RIF1: variants seen among roughly 807,000 people sequenced by gnomAD.
RIF1 encodes the protein replication timing regulatory factor 1, also known as telomere-associated protein RIF1.
In RIF1, 45 loss-of-function variants were observed where a neutral mutation model predicts 247.1. The observed-to-expected ratio is 0.18, with a 90% confidence interval of 0.14 to 0.23. The LOEUF is 0.23. Among genes scored for constraint, RIF1 ranks in the 10% least tolerant of loss-of-function variants. RIF1 has a pLI of 1.00. For missense variants in RIF1, 2,967 were observed against 2,862.5 expected (o/e 1.04, Z -0.83); for synonymous variants, 1,087 against 978.8 (o/e 1.11, Z -2.06).
chr2:151,492,478 C>T (rs2057351309), intron 9 of RIF1: 2 of 1,612,978 alleles, frequency 1.2e-6, no homozygotes, highest in Non-Finnish European at 8.5e-7. Context: ...TTTCCGGAAA[C>T]TATCAGAATA....
At chr2:151,494,025 G>A (rs1400552882) in intron 9 of RIF1, 4 of 898,096 alleles carry the variant, frequency 4.5e-6, no homozygotes, top group African/African-American at 1.7e-5. Flanking sequence ...TACAGTAAAT[G>A]TAGTGTGATA....
chr2:151,532,569 A>G, the RIF1 span, among the ~76,000 whole-genome samples: 8 of 152,164 alleles, frequency 5.3e-5, no homozygotes. Flanking sequence ...AATTTCATGC[A>G]CAACTATTTG....
chr2:151,455,005 T>A lies in RIF1; in HGVS notation c.2455T>A (p.Phe819Ile). The A allele has an allele frequency of 6.2e-7, 1 of 1,613,954 alleles. No individual in the cohort carries two copies. Among genetic ancestry groups the A allele is most frequent in the African/African-American group, 1.3e-5 (1 of 75,040 alleles). ...GATCTATTCTTTCCACACACTGAGC[T>A]TCAAGGAAGCACATTCTGATACCCT... The part of the protein sequence containing the change: ...KVIYSFHTLS[F>I]KEAHSDTLFT... Residue 819 changes from phenylalanine (F) to isoleucine (I), a missense_variant, in exon 22 of 36, where the codon TTC becomes ATC. Physicochemically the swap from Phe to Ile is conservative, Grantham distance 21. Coordinates refer to ENST00000444746, the MANE Select transcript of RIF1 (RefSeq NM_018151.5).
chr2:151,533,390 T>G, the RIF1 span: 1 of 1,175,030 alleles, frequency 8.5e-7, no homozygotes. Flanking sequence ...TACAAGGGAA[T>G]GCATCCAAGA....
chr2:151,463,943 CAGG>C lies in RIF1; in HGVS notation c.4426_4428del (p.Glu1476del), dbSNP rs1696556969. 6.2e-7 allele frequency: 1 copy of C among 1,612,012 alleles called. No individual in the cohort carries two copies. Among genetic ancestry groups the C allele is most frequent in the African/African-American group, 1.3e-5 (1 of 74,682 alleles). ...AAAACTGATTGCTGAACAAACTCTA[CAGG>C]AGAATTTAATTGAGAAAGGAAGTAA... is the stretch of plus-strand genomic sequence containing the variant. On this transcript the variant is annotated inframe_deletion, in exon 30 of 36. Coordinates refer to ENST00000444746, the MANE Select transcript of RIF1 (RefSeq NM_018151.5).
chr2:151,492,609 G>C, intron 9 of RIF1: 3 of 663,168 alleles, frequency 4.5e-6, no homozygotes, highest in Non-Finnish European at 7.2e-6. Flanking sequence ...TCAACTGAAG[G>C]GGCCCAGTGA....
chr2:151,428,539 TTATA>T (rs1689515508), intron 8 of RIF1, among the ~76,000 whole-genome samples: 1 of 152,174 alleles, frequency 6.6e-6, no homozygotes, highest in African/African-American at 2.4e-5. Context: ...TCTTCAAACT[TTATA>T]TATTTTGTGA....
In RIF1 at chr2:151,447,015, C is replaced by T. The variant is rs183321322; in HGVS notation, c.2244+440C>T. ...CTGGAGTGCAGTGGCGCGATCTCGG[C>T]TCACTGCAAGCTCCGCCTCCCGGGT... On this transcript the variant is annotated intron_variant, in intron 20 of 35. Transcript: ENST00000444746. Among the ~76,000 whole-genome samples, 344 of 148,988 alleles carry T rather than the reference C, an allele frequency of 2.3e-3. 9 individuals carry two copies. In the East Asian group the frequency reaches 0.046, roughly 20 times the overall value.
At chr2:151,426,740 G>A (rs956979929) in intron 8 of RIF1, among the ~76,000 whole-genome samples, 4 of 151,198 alleles carry the variant, frequency 2.6e-5, no homozygotes, top group Admixed American at 2.0e-4. Context: ...TCAGCCTCCC[G>A]GGTTCAAGTG....
In RIF1 at chr2:151,463,022, A is replaced by G. The variant is rs763201641; in HGVS notation, c.3502A>G (p.Ser1168Gly). Residue 1168 changes from serine (S) to glycine (G), a missense_variant, in exon 30 of 36, where the codon AGT becomes GGT. Ser to Gly is a moderately conservative substitution (Grantham distance 56). Transcript: ENST00000444746. ...LDKTSPEMSN[S>G]NNDERKKALI... ...CAAAACCAGTCCAGAAATGTCAAACAGTAATAATGATGAAAGAAAAAAAGC... is the reference window on the plus strand; with the variant it reads ...CAAAACCAGTCCAGAAATGTCAAACGGTAATAATGATGAAAGAAAAAAAGC... The G allele has an allele frequency of 3.1e-6, 5 of 1,613,872 alleles. No homozygotes were observed. In the African/African-American group the frequency reaches 4.0e-5, roughly 13 times the overall value.
At chr2:151,487,428 A>C (rs891534930) in intron 9 of RIF1, among the ~76,000 whole-genome samples, 1 of 152,248 alleles carries the variant, frequency 6.6e-6, no homozygotes, top group African/African-American at 2.4e-5. Flanking sequence ...TCAAATTCAC[A>C]AATAGATTTC....
Position 151,433,251 on chromosome 2 carries a change from T to C in RIF1, c.1077+23T>C, listed in dbSNP as rs747972150. ...CAGGTAACATTACAAGTGTTGACTA[T>C]AGCACTTTATGTTTTTGTTAATGTG... On this transcript the variant is annotated intron_variant, in intron 10 of 35. Transcript: ENST00000444746. The C allele has an allele frequency of 2.5e-6, 4 of 1,574,058 alleles. No homozygotes were observed. The South Asian group carries it at 3.4e-5, about 13-fold the overall frequency.
downstream of RIF1, among the ~76,000 whole-genome samples, chr2:151,510,830 GT>G (rs1189579944): frequency 6.6e-6 from 1 of 152,166 alleles, no homozygotes; most frequent in African/African-American, 2.4e-5. Context: ...CTACTGTATA[GT>G]ATCCTAAATT....
exon 11 of RIF1, chr2:151,499,527 A>C (rs1045870887): frequency 1.6e-6 from 1 of 608,654 alleles, no homozygotes; most frequent in Non-Finnish European, 2.9e-6. Context: ...CTCTCTGTTC[A>C]GGCACAGATC....
chr2:151,516,598 C>T, the RIF1 span: 2 of 1,357,638 alleles, frequency 1.5e-6, no homozygotes, highest in Non-Finnish European at 2.1e-6. Flanking sequence ...TATCTCTCCT[C>T]TGGTCAATTC....
Position 151,477,715 on chromosome 2 carries a change from CT to C in RIF1, c.*2654del, listed in dbSNP as rs1192077130. 2.3e-4 allele frequency: 33 copies of C among 144,502 alleles called. No homozygotes were observed. The highest frequency in any genetic ancestry group is 3.2e-4 in the Non-Finnish European group (21 of 65,770). 9.0% of individuals were successfully genotyped at this position (144,502 alleles called of 1,614,324 possible). On this transcript the variant is annotated 3_prime_UTR_variant, in exon 36 of 36. Coordinates refer to ENST00000444746, the MANE Select transcript of RIF1 (RefSeq NM_018151.5). ...GTGAGCCACCCCACCTGGCCATTTT[CT>C]TTTTTTTTTGAGGTGGAGTTTTCGC... is the stretch of plus-strand genomic sequence containing the variant.
the RIF1 span, chr2:151,530,851 G>T: frequency 1.7e-6 from 1 of 599,398 alleles, no homozygotes; most frequent in Non-Finnish European, 3.0e-6. Context: ...ACCGAATCAT[G>T]AGCAAAAGAG....
intron 19 of RIF1, among the ~76,000 whole-genome samples, chr2:151,445,748 A>G (rs1162930609): frequency 6.6e-6 from 1 of 152,078 alleles, no homozygotes. Flanking sequence ...GAGTTTCACC[A>G]TATTGGTCAG....
intron 9 of RIF1, among the ~76,000 whole-genome samples, chr2:151,429,260 G>C (rs1019665008): frequency 6.6e-6 from 1 of 151,838 alleles, no homozygotes; most frequent in African/African-American, 2.4e-5. Context: ...GGTTCACTGC[G>C]ACCCCCGCCT....
Sources: allele counts gnomAD v4.1 joint callset (sites outside exome capture counted in the v4.1 genomes callset), GRCh38; gene constraint gnomAD v4.1.1; transcripts MANE v1.5; gene names NCBI Gene and HGNC (gene_info 2026-07-23, HGNC 2026-07-21).